NUF2: variants seen among roughly 807,000 people sequenced by gnomAD.
The protein encoded by NUF2 is kinetochore protein Nuf2.
A neutral mutation model predicts 61.8 loss-of-function variants in NUF2; 34 were observed. That is an observed-to-expected ratio of 0.55 (90% CI 0.42 to 0.73). NUF2 has a LOEUF of 0.73. Ranked by LOEUF, NUF2 falls within the 30% of genes least tolerant of loss-of-function variation. NUF2 has a pLI of 0.00. For synonymous variants in NUF2, 172 were observed against 181.6 expected, an observed-to-expected ratio of 0.95 and a Z score of 0.42; for missense variants, 445 against 539.1, an observed-to-expected ratio of 0.83 and a Z score of 1.73.
intron 5 of NUF2, among the ~76,000 whole-genome samples, chr1:163,331,025 C>CTTT (rs35181525): frequency 3.0e-5 from 4 of 134,962 alleles, no homozygotes. Flanking sequence ...GCCTTTTATT[C>CTTT]TTTTTTTTTT....
intron 1 of NUF2, among the ~76,000 whole-genome samples, 196 bp from the exon 2 acceptor site, chr1:163,325,836 C>A (rs1650399689): frequency 6.6e-6 from 1 of 152,158 alleles, no homozygotes; most frequent in Admixed American, 6.5e-5. Flanking sequence ...CAGAAAATAA[C>A]TGTGTCACCT....
At chr1:163,345,840 G>T (rs1349270362) in intron 11 of NUF2, 22 bp downstream of exon 11, 1 of 1,535,782 alleles carries the variant, frequency 6.5e-7, no homozygotes, top group South Asian at 1.2e-5. Context: ...ATGGAATTTT[G>T]ATGTCTTTAT....
At chr1:163,332,401 G>T (rs1650625648) in intron 5 of NUF2, among the ~76,000 whole-genome samples, 1 of 152,028 alleles carries the variant, frequency 6.6e-6, no homozygotes, top group African/African-American at 2.4e-5. Context: ...CCAGAATATG[G>T]TCTATATTTG....
At chr1:163,347,231 GCTT>G (rs1174437883) in intron 11 of NUF2, among the ~76,000 whole-genome samples, 1 of 152,068 alleles carries the variant, frequency 6.6e-6, no homozygotes, top group African/African-American at 2.4e-5. Context: ...ATCCTTTTTT[GCTT>G]CTTAACTTGA....
chr1:163,342,656 C>T (rs1258281654), intron 9 of NUF2, among the ~76,000 whole-genome samples: 2 of 151,716 alleles, frequency 1.3e-5, no homozygotes, highest in African/African-American at 4.8e-5. Flanking sequence ...ATACACACAC[C>T]CACACATACA....
In NUF2 at chr1:163,355,401, G is replaced by T. The variant is rs769329199; in HGVS notation, c.1327G>T (p.Asp443Tyr). Reference sequence around the variant, plus strand: ...CGACGGTATTGAAAAGGCAGCAGAGGACTCCTATGCTAAGATAGATGAGAA... The same window carrying T: ...CGACGGTATTGAAAAGGCAGCAGAGTACTCCTATGCTAAGATAGATGAGAA... The part of the protein sequence containing the change: ...YHDGIEKAAE[D>Y]SYAKIDEKTA... Residue 443 changes from aspartate (D) to tyrosine (Y), a missense_variant, in exon 14 of 14, where the codon GAC becomes TAC. Physicochemically the swap from Asp to Tyr is radical, Grantham distance 160. Transcript: ENST00000271452. The T allele has an allele frequency of 5.2e-5, 84 of 1,609,674 alleles. No homozygotes were observed. The highest frequency in any genetic ancestry group is 5.0e-4 in the Middle Eastern group (3 of 6,048).
At position 163,326,309 on chromosome 1, in the gene NUF2, C is replaced by T. The variant is rs796258036; in HGVS notation, c.123+135C>T. The T allele has an allele frequency of 1.2e-5, 8 of 684,518 alleles. No individual in the cohort carries two copies. The African/African-American group carries it at 1.4e-4, about 12-fold the overall frequency. 42.4% of individuals were successfully genotyped at this position (684,518 alleles called of 1,614,324 possible). A position where few individuals can be genotyped will look rare whatever the true frequency, so the allele number is the denominator to read the frequency against. On this transcript the variant is annotated intron_variant, in intron 2 of 13. Transcript: ENST00000271452. Reference sequence around the variant, plus strand: ...AGTCATTTTCATTGAGAGAGAATCTCTCACCTAGCATAATTTAAAAATAAC... The same window carrying T: ...AGTCATTTTCATTGAGAGAGAATCTTTCACCTAGCATAATTTAAAAATAAC...
At chr1:163,334,946 T>G (rs1650708416) in intron 5 of NUF2, among the ~76,000 whole-genome samples, 1 of 148,302 alleles carries the variant, frequency 6.7e-6, no homozygotes, top group South Asian at 2.3e-4. Flanking sequence ...GTGTTTGTCT[T>G]GTTTTGTTTT....
intron 6 of NUF2, among the ~76,000 whole-genome samples, chr1:163,337,285 G>T (rs1409825769): frequency 2.6e-5 from 4 of 152,030 alleles, no homozygotes; most frequent in Non-Finnish European, 4.4e-5. Context: ...CCCAGATTCA[G>T]TCCAAGGCAA....
At chr1:163,343,029 T>G (rs1358503639) in intron 9 of NUF2, among the ~76,000 whole-genome samples, 10 of 152,142 alleles carry the variant, frequency 6.6e-5, no homozygotes, top group Non-Finnish European at 8.8e-5. Flanking sequence ...TAGGAATTTT[T>G]TTTGACATAA....
At chr1:163,343,960 G>C (rs533823161) in intron 10 of NUF2, 90 bp downstream of exon 10, 2 of 770,986 alleles carry the variant, frequency 2.6e-6, no homozygotes, top group Admixed American at 7.3e-5. Context: ...TTGGATTTCT[G>C]AATTATCTAT....
chr1:163,346,658 AG>A (rs975789011), intron 11 of NUF2, among the ~76,000 whole-genome samples: 99 of 152,184 alleles, frequency 6.5e-4, no homozygotes, highest in Non-Finnish European at 9.6e-4. Flanking sequence ...GTTGGAGACC[AG>A]CTTGAACAAC....
intron 2 of NUF2, among the ~76,000 whole-genome samples, chr1:163,326,824 A>G (rs1457838327): frequency 6.6e-6 from 1 of 152,104 alleles, no homozygotes; most frequent in Non-Finnish European, 1.5e-5. Context: ...CCTTAGAATA[A>G]CTGATGTCTT....
chr1:163,335,865 T>C (rs1650742102), intron 5 of NUF2, among the ~76,000 whole-genome samples: 2 of 152,198 alleles, frequency 1.3e-5, no homozygotes, highest in Admixed American at 6.5e-5. Context: ...AGGTCTGAAC[T>C]ACTGTTATTC....
intron 7 of NUF2, 22 bp downstream of exon 7, chr1:163,338,115 A>G (rs771866354): frequency 5.1e-6 from 8 of 1,574,396 alleles, no homozygotes; most frequent in Non-Finnish European, 7.0e-6. Flanking sequence ...ATTTACAAGT[A>G]AAATAAATGC....
chr1:163,341,072 T>C (rs1201651771), intron 9 of NUF2, among the ~76,000 whole-genome samples: 1 of 152,186 alleles, frequency 6.6e-6, no homozygotes, highest in Non-Finnish European at 1.5e-5. Flanking sequence ...TCTAGAAAGA[T>C]ACCAATTTAT....
intron 6 of NUF2, among the ~76,000 whole-genome samples, chr1:163,337,617 C>T (rs902943933): frequency 6.6e-6 from 1 of 152,106 alleles, no homozygotes; most frequent in African/African-American, 2.4e-5. Context: ...TTAAGACACA[C>T]CTCAGACATC....
chr1:163,328,466 C>A, intron 4 of NUF2, 162 bp downstream of exon 4: 1 of 529,894 alleles, frequency 1.9e-6, no homozygotes, highest in Non-Finnish European at 3.3e-6. Flanking sequence ...AGACTGTCAT[C>A]AAACAGAACT....
Position 163,345,603 on chromosome 1 carries a change from G to A in NUF2, c.808-75G>A, listed in dbSNP as rs1358599863. 4.5e-6 allele frequency: 6 copies of A among 1,338,606 alleles called. No homozygotes were observed. In the East Asian group the frequency reaches 1.4e-4, roughly 31 times the overall value. The allele number at this position is 1,338,606 out of a possible 1,614,324, so 82.9% of individuals were successfully genotyped here. ...TATTAAATGTGGAAATTATTTAAGA[G>A]CAAACAAATTGATATTACTGCAGCT... On this transcript the variant is annotated intron_variant, in intron 10 of 13. Transcript: ENST00000271452.
Sources: gnomAD v4.1 joint callset for allele counts (sites outside exome capture counted in the v4.1 genomes callset) on GRCh38, gnomAD v4.1.1 for gene constraint, MANE v1.5 for transcripts, NCBI Gene and HGNC (gene_info 2026-07-23, HGNC 2026-07-21) for gene names.